The following AGPS variants were observed in gnomAD, a reference collection of about 807,000 sequenced individuals.
AGPS encodes alkyldihydroxyacetonephosphate synthase, peroxisomal.
A neutral mutation model predicts 90.7 loss-of-function variants in AGPS; 26 were observed. That is an observed-to-expected ratio of 0.29 (90% CI 0.21 to 0.40). AGPS has a LOEUF of 0.40. Among genes scored for constraint, AGPS ranks in the 10% least tolerant of loss-of-function variants. The pLI, the probability that AGPS is intolerant of heterozygous loss-of-function variation, is 1.00. For missense variants in AGPS, 540 were observed against 816.1 expected (o/e 0.66, Z 4.12); for synonymous variants, 294 against 285.3 (o/e 1.03, Z -0.31).
intron 12 of AGPS, among the ~76,000 whole-genome samples, chr2:177,495,744 C>T (rs1181873560): frequency 2.3e-5 from 1 of 43,922 alleles, no homozygotes. Context: ...CCTGTCTCTA[C>T]TAAAAAAAAA....
chr2:177,440,950 C>T lies in AGPS; in HGVS notation c.638-15C>T. On this transcript the variant is annotated splice_polypyrimidine_tract_variant and intron_variant, in intron 5 of 19. Coordinates refer to ENST00000264167, the MANE Select transcript of AGPS (RefSeq NM_003659.4). ...TATGCCTCTGTAATTAATTTATTTT[C>T]CCTTTTTTCAACAGCATGCCATGAT... 1 of 1,607,664 alleles carries T rather than the reference C, an allele frequency of 6.2e-7. No homozygotes were observed. The highest frequency in any genetic ancestry group is 8.5e-7 in the Non-Finnish European group (1 of 1,174,842).
intron 9 of AGPS, among the ~76,000 whole-genome samples, chr2:177,466,012 G>A (rs1419477842): frequency 6.6e-6 from 1 of 152,236 alleles, no homozygotes; most frequent in Admixed American, 6.5e-5. Context: ...GCTTTATTGA[G>A]TGACAAAACA....
intron 11 of AGPS, among the ~76,000 whole-genome samples, chr2:177,485,122 A>G (rs1169164315): frequency 6.6e-6 from 1 of 152,146 alleles, no homozygotes; most frequent in East Asian, 1.9e-4. Flanking sequence ...TTGGATTTGT[A>G]TTTATTTTCA....
Position 177,442,717 on chromosome 2 carries a change from T to C in AGPS, c.789+231T>C, listed in dbSNP as rs1350528167. Among the ~76,000 whole-genome samples, 5 of 151,312 alleles carry C rather than the reference T, an allele frequency of 3.3e-5. No homozygotes were observed. In the South Asian group the frequency reaches 6.3e-4, roughly 19 times the overall value. ...CAAAAATTAACCGAGTGTGGTGGTG[T>C]GTGCCTGTAATCCCAGCTACTTGGG... On this transcript the variant is annotated intron_variant, in intron 7 of 19. Coordinates refer to ENST00000264167, the MANE Select transcript of AGPS (RefSeq NM_003659.4).
At chr2:177,488,593 G>A (rs557599590) in intron 11 of AGPS, among the ~76,000 whole-genome samples, 4 of 152,240 alleles carry the variant, frequency 2.6e-5, no homozygotes, top group African/African-American at 9.6e-5. Context: ...GTTATATGTG[G>A]TTCCTCACTT....
intron 2 of AGPS, among the ~76,000 whole-genome samples, chr2:177,422,909 C>CAGCCAAACAGTGGCTGAACAGTAT (rs372544357): frequency 9.1e-5 from 7 of 77,238 alleles, no homozygotes; most frequent in Admixed American, 5.0e-4. Context: ...TATTGAGTAT[C>CAGCCAAACAGTGGCTGAACAGTAT]TACTGAGTTA....
chr2:177,478,323 T>C (rs1300795283), intron 10 of AGPS, among the ~76,000 whole-genome samples: 2 of 152,212 alleles, frequency 1.3e-5, no homozygotes, highest in African/African-American at 2.4e-5. Context: ...ATGTGTCTGT[T>C]TGTGGATATC....
chr2:177,510,415 A>G (rs2105723212), intron 16 of AGPS, among the ~76,000 whole-genome samples: 1 of 152,302 alleles, frequency 6.6e-6, no homozygotes, highest in Admixed American at 6.5e-5. Context: ...TAGGATTTCA[A>G]TATATGAATT....
At chr2:177,505,433 C>T (rs1403352902) in intron 14 of AGPS, 73 bp from the exon 15 acceptor site, 4 of 1,297,114 alleles carry the variant, frequency 3.1e-6, no homozygotes, top group African/African-American at 1.5e-5. Flanking sequence ...ATTCTCTTGA[C>T]AGCTTTTTGA....
chr2:177,537,315 A>T (rs2079192718), intron 19 of AGPS, among the ~76,000 whole-genome samples: 1 of 152,152 alleles, frequency 6.6e-6, no homozygotes, highest in African/African-American at 2.4e-5. Flanking sequence ...GCTAACCATT[A>T]TGTTACTTCA....
intron 6 of AGPS, among the ~76,000 whole-genome samples, chr2:177,442,016 G>A (rs1165093742): frequency 6.6e-6 from 1 of 152,094 alleles, no homozygotes; most frequent in Non-Finnish European, 1.5e-5. Flanking sequence ...TGGTAAAAAG[G>A]AAGTAATGAT....
chr2:177,534,242 C>T (rs1459092776), intron 19 of AGPS, among the ~76,000 whole-genome samples: 1 of 152,140 alleles, frequency 6.6e-6, no homozygotes, highest in South Asian at 2.1e-4. Context: ...TTTCCATGTA[C>T]ATCATTTTAT....
chr2:177,465,979 G>T (rs1288181856), intron 9 of AGPS, among the ~76,000 whole-genome samples: 1 of 152,226 alleles, frequency 6.6e-6, no homozygotes, highest in Non-Finnish European at 1.5e-5. Context: ...CGGACAAGTG[G>T]AGGGTGAGCA....
At chr2:177,507,834 T>C (rs1002935776) in intron 15 of AGPS, 136 bp from the exon 16 acceptor site, 8 of 714,952 alleles carry the variant, frequency 1.1e-5, no homozygotes, top group Non-Finnish European at 2.0e-5. Flanking sequence ...AGTGCTCTTA[T>C]GAGGTGGATA....
chr2:177,437,584 A>C (rs1368156225), intron 5 of AGPS, among the ~76,000 whole-genome samples: 1 of 152,120 alleles, frequency 6.6e-6, no homozygotes, highest in East Asian at 1.9e-4. Context: ...TTTTGCTCTT[A>C]GTGAGTAGTA....
intron 1 of AGPS, among the ~76,000 whole-genome samples, chr2:177,409,164 G>A (rs1457415523): frequency 6.6e-6 from 1 of 151,094 alleles, no homozygotes; most frequent in Non-Finnish European, 1.5e-5. Flanking sequence ...GGCTACTGCT[G>A]ATTTTTTTTT....
chr2:177,521,142 A>C, intron 17 of AGPS, 127 bp from the exon 18 acceptor site: 2 of 841,116 alleles, frequency 2.4e-6, no homozygotes, highest in Non-Finnish European at 3.9e-6. Context: ...CATGGAGTAG[A>C]GGCTGGGAAG....
chr2:177,528,347 A>G (rs2079107924), intron 19 of AGPS, among the ~76,000 whole-genome samples: 1 of 152,042 alleles, frequency 6.6e-6, no homozygotes, highest in African/African-American at 2.4e-5. Flanking sequence ...CAAAATGAAA[A>G]CTCCTTATCA....
chr2:177,453,386 C>T (rs1261759855), intron 8 of AGPS, among the ~76,000 whole-genome samples: 3 of 151,844 alleles, frequency 2.0e-5, no homozygotes, highest in African/African-American at 7.3e-5. Flanking sequence ...ATTCTCCTGC[C>T]TCAGCCTCCA....
Sources: allele counts gnomAD v4.1 joint callset (sites outside exome capture counted in the v4.1 genomes callset), GRCh38; gene constraint gnomAD v4.1.1; transcripts MANE v1.5; gene names NCBI Gene and HGNC (gene_info 2026-07-23, HGNC 2026-07-21).